Variants in THADA observed in about 807,000 individuals in gnomAD.
THADA encodes the protein tRNA (32-2'-O)-methyltransferase regulator THADA.
THADA carries 213 observed loss-of-function variants against 219.8 expected under a neutral mutation model. The observed-to-expected ratio is 0.97, with a 90% confidence interval of 0.87 to 1.09. The LOEUF is 1.09. Among genes scored for constraint, THADA ranks in the 50% least tolerant of loss-of-function variants. The probability of loss-of-function intolerance (pLI) is 0.00; values close to 1 mark genes in which losing one functional copy is unlikely to be tolerated. For synonymous variants in THADA, 1,018 were observed against 828.9 expected (o/e 1.23, Z -3.92); for missense variants, 2,956 against 2,311.3 (o/e 1.28, Z -5.72).
At chr2:43,294,155 T>C (rs1441784705) in intron 31 of THADA, among the ~76,000 whole-genome samples, 1 of 152,238 alleles carries the variant, frequency 6.6e-6, no homozygotes, top group Non-Finnish European at 1.5e-5. Flanking sequence ...CTGTTAAGTT[T>C]TATGGTCTAC....
chr2:43,322,135 G>A (rs908960375), intron 30 of THADA, among the ~76,000 whole-genome samples: 10 of 151,670 alleles, frequency 6.6e-5, no homozygotes, highest in African/African-American at 2.4e-5. Flanking sequence ...TCCTGAATTC[G>A]TGATTATCCT....
chr2:43,297,515 C>A (rs1406665283), intron 31 of THADA, among the ~76,000 whole-genome samples: 4 of 116,924 alleles, frequency 3.4e-5, no homozygotes, highest in African/African-American at 1.3e-4. Context: ...TCAGCCCCCC[C>A]GCCCGGCCAG....
chr2:43,591,931 T>C (rs1170379760), intron 3 of THADA, 21 bp downstream of exon 3: 3 of 1,457,944 alleles, frequency 2.1e-6, no homozygotes, highest in African/African-American at 1.4e-5. Flanking sequence ...GATGCATCCA[T>C]GAATATCAAT....
In THADA at chr2:43,292,687, G is replaced by C. The variant is rs1444709123; in HGVS notation, c.4818+147C>G. ...CGCCATGCCAACCACCATAAAAAGA[G>C]AGTCCTTATCCACTGGCTGCCGAAT... is the stretch of plus-strand genomic sequence containing the variant. On this transcript the variant is annotated intron_variant, in intron 32 of 37. Coordinates refer to ENST00000405975, the MANE Select transcript of THADA (RefSeq NM_022065.5). The C allele has an allele frequency of 1.9e-5, 18 of 964,920 alleles. No individual in the cohort carries two copies. In the South Asian group the frequency reaches 2.6e-4, roughly 14 times the overall value. The allele number at this position is 964,920 out of a possible 1,614,324, so 59.8% of individuals were successfully genotyped here.
In THADA at chr2:43,343,906, T is replaced by C. The variant is rs1284744020; in HGVS notation, c.4343+216A>G. ...TTGGTGGGCAGACAAAAAGCCATAT[T>C]ACATGCCCCTCAGTCACTTAGCAGT... On this transcript the variant is annotated intron_variant, in intron 30 of 37. Coordinates refer to ENST00000405975, the MANE Select transcript of THADA (RefSeq NM_022065.5). The C allele has an allele frequency of 2.0e-5, 9 of 441,214 alleles. No homozygotes were observed. The East Asian group carries it at 3.6e-4, about 18-fold the overall frequency. The allele number at this position is 441,214 out of a possible 1,614,324, so 27.3% of individuals were successfully genotyped here.
At chr2:43,394,106 G>A (rs1226561577) in intron 29 of THADA, among the ~76,000 whole-genome samples, 2 of 152,172 alleles carry the variant, frequency 1.3e-5, no homozygotes. Flanking sequence ...TAATGTCCAT[G>A]GCTCTTATCT....
chr2:43,547,232 G>A (rs180772148), intron 20 of THADA, among the ~76,000 whole-genome samples: 14 of 152,302 alleles, frequency 9.2e-5, no homozygotes, highest in South Asian at 6.2e-4. Context: ...AGTTTCTGCC[G>A]AGAGATCCGC....
chr2:43,416,426 T>C (rs544014129), intron 28 of THADA, among the ~76,000 whole-genome samples: 81 of 152,324 alleles, frequency 5.3e-4, no homozygotes, highest in African/African-American at 1.7e-3. Flanking sequence ...GTAGATTTCA[T>C]ACAAATATAT....
At chr2:43,506,396 A>T (rs1296398337) in intron 23 of THADA, among the ~76,000 whole-genome samples, 2 of 152,236 alleles carry the variant, frequency 1.3e-5, no homozygotes, top group African/African-American at 4.8e-5. Flanking sequence ...GAGGCAATAA[A>T]AAGGAATGAG....
Position 43,590,816 on chromosome 2 carries a change from T to C in THADA, c.302+8A>G, listed in dbSNP as rs750259696. The stretch of plus-strand genomic sequence containing the variant: ...ATAACACCCAACTTCCCTTCCTTTT[T>C]TTCTTACCTTGCCAATACTTTCTTC... On this transcript the variant is annotated splice_region_variant and intron_variant, in intron 4 of 37. Coordinates refer to ENST00000405975, the MANE Select transcript of THADA (RefSeq NM_022065.5). 2.4e-5 allele frequency: 38 copies of C among 1,610,312 alleles called. No individual in the cohort carries two copies. Among genetic ancestry groups the C allele is most frequent in the Non-Finnish European group, 2.5e-5 (30 of 1,178,892 alleles).
chr2:43,566,180 G>C, intron 15 of THADA: 1 of 374,078 alleles, frequency 2.7e-6, no homozygotes, highest in Non-Finnish European at 4.8e-6. Context: ...TGACCCTCTT[G>C]AGAACCACAC....
chr2:43,452,602 G>A (rs1251831277), intron 26 of THADA, among the ~76,000 whole-genome samples: 1 of 152,128 alleles, frequency 6.6e-6, no homozygotes, highest in Non-Finnish European at 1.5e-5. Context: ...AGAAGTTCAT[G>A]TGTCCCCATG....
chr2:43,569,355 G>C (rs919359748), intron 14 of THADA, among the ~76,000 whole-genome samples: 12 of 152,162 alleles, frequency 7.9e-5, no homozygotes, highest in African/African-American at 2.9e-4. Flanking sequence ...AGATCAAGTG[G>C]AGAGATATAT....
At chr2:43,422,434 C>T (rs941085718) in intron 28 of THADA, among the ~76,000 whole-genome samples, 5 of 152,024 alleles carry the variant, frequency 3.3e-5, no homozygotes, top group Non-Finnish European at 2.9e-5. Context: ...AATGGGGAGC[C>T]CAGAACAGAA....
chr2:43,230,997 TAA>T lies in THADA; in HGVS notation c.5811_5812del (p.Tyr1938CysfsTer?). 1 of 1,613,912 alleles carries T rather than the reference TAA, an allele frequency of 6.2e-7. No homozygotes were observed. Among genetic ancestry groups the T allele is most frequent in the African/African-American group, 1.3e-5 (1 of 75,034 alleles). On this transcript the variant is annotated frameshift_variant, in exon 38 of 38. Coordinates refer to ENST00000405975, the MANE Select transcript of THADA (RefSeq NM_022065.5). LOFTEE classifies it high-confidence loss of function. ...AAGAGTTAACTGCCTCGATTCTGCA[TAA>T]GAGTCCCAAACACTGAGAACTAGGG...
At chr2:43,408,185 A>AC (rs1675818196) in intron 28 of THADA, 1 of 152,140 alleles carries the variant, frequency 6.6e-6, no homozygotes, top group South Asian at 2.1e-4. Context: ...TTTATGAAGA[A>AC]CCCCACAGCA....
At chr2:43,483,159 G>A (rs994503003) in intron 26 of THADA, among the ~76,000 whole-genome samples, 2 of 152,190 alleles carry the variant, frequency 1.3e-5, no homozygotes, top group Non-Finnish European at 2.9e-5. Context: ...ACTGACTTGT[G>A]AGGTGTGTCA....
chr2:43,388,349 T>G (rs550007919), intron 29 of THADA, among the ~76,000 whole-genome samples: 1 of 152,162 alleles, frequency 6.6e-6, no homozygotes, highest in Non-Finnish European at 1.5e-5. Context: ...AGAATTATCG[T>G]CAGTCATATG....
chr2:43,287,164 T>A (rs1266524552), intron 34 of THADA, 103 bp from the exon 35 acceptor site: 12 of 1,028,796 alleles, frequency 1.2e-5, no homozygotes, highest in Non-Finnish European at 1.7e-5. Flanking sequence ...GATTAGCTCT[T>A]AGCTCAATGG....
Sources: allele counts gnomAD v4.1 joint callset (sites outside exome capture counted in the v4.1 genomes callset), GRCh38; gene constraint gnomAD v4.1.1; transcripts MANE v1.5; gene names NCBI Gene and HGNC (gene_info 2026-07-23, HGNC 2026-07-21).